Variants in RYR1 observed in about 807,000 individuals in gnomAD.
RYR1 encodes central core disease of muscle.
In RYR1, 342 loss-of-function variants were observed where a neutral mutation model predicts 583.5. The observed-to-expected ratio is 0.59, with a 90% confidence interval of 0.54 to 0.64. The LOEUF is 0.64. Ranked by LOEUF, RYR1 falls within the 30% of genes least tolerant of loss-of-function variation. The pLI is 0.00. For missense variants in RYR1, 6,032 were observed against 6,917.2 expected (o/e 0.87, Z 4.54); for synonymous variants, 2,791 against 2,822.5 (o/e 0.99, Z 0.35).
intron 20 of RYR1, among the ~76,000 whole-genome samples, chr19:38,462,034 G>A (rs1967780144): frequency 1.3e-5 from 2 of 152,216 alleles, no homozygotes; most frequent in African/African-American, 4.8e-5. Context: ...CAGCCTGGGC[G>A]ACAGAGCAAG....
At chr19:38,578,307 C>CA in intron 99 of RYR1, 103 bp downstream of exon 99, 1 of 1,175,742 alleles carries the variant, frequency 8.5e-7, no homozygotes, top group Non-Finnish European at 1.2e-6. Context: ...TCCTGGGACC[C>CA]TGAGTGGCTG....
chr19:38,478,534 G>T lies in RYR1; in HGVS notation c.4554G>T (p.Leu1518=). The change falls in exon 31 of 106, where the codon CTG becomes CTT. Residue 1518 remains leucine (L), a synonymous_variant. Transcript: ENST00000359596. ...ISHTDLVIGC[L]VDLATGLMTF... ...ACACGGACCTTGTCATTGGGTGCCT[G>T]GTGGACTTGGCCACTGGCTTAATGA... 6.2e-7 allele frequency: 1 copy of T among 1,614,114 alleles called. No homozygotes were observed. The highest frequency in any genetic ancestry group is 8.5e-7 in the Non-Finnish European group (1 of 1,180,032).
At chr19:38,491,858 T>C (rs1969566405) in intron 37 of RYR1, among the ~76,000 whole-genome samples, 1 of 152,208 alleles carries the variant, frequency 6.6e-6, no homozygotes, top group Non-Finnish European at 1.5e-5. Flanking sequence ...ATTTTTTATT[T>C]CAGTTATTTT....
rs761129675 is a variant in RYR1 at position 38,502,905 on chromosome 19, C to T, written c.7861C>T (p.His2621Tyr). The change falls in exon 49 of 106, where the codon CAC becomes TAC. Residue 2621 changes from histidine to tyrosine, a missense_variant. Physicochemically the swap from His to Tyr is moderately conservative, Grantham distance 83. Around this residue, in one of 11 missense-constraint regions of RYR1, gnomAD observed 250 missense variants for 162.3 expected, o/e 1.54. Transcript: ENST00000359596. Reference protein sequence around the residue: ...CRYIRPSMLQHLLRRLVFDVP... With the variant: ...CRYIRPSMLQYLLRRLVFDVP... Reference sequence around the variant, plus strand: ...GTACATCCGCCCGTCGATGCTGCAGCACCTGTTGCGCCGCCTGGTGTTCGA... The same window carrying T: ...GTACATCCGCCCGTCGATGCTGCAGTACCTGTTGCGCCGCCTGGTGTTCGA... 7.4e-6 allele frequency: 12 copies of T among 1,611,870 alleles called. No individual in the cohort carries two copies. The highest frequency in any genetic ancestry group is 3.3e-5 in the South Asian group (3 of 91,070).
chr19:38,498,259 G>A (rs1320720021), intron 42 of RYR1, among the ~76,000 whole-genome samples: 1 of 152,182 alleles, frequency 6.6e-6, no homozygotes, highest in Non-Finnish European at 1.5e-5. Flanking sequence ...TGAGTGAGAG[G>A]AGGCCAGGAT....
intron 91 of RYR1, among the ~76,000 whole-genome samples, chr19:38,566,156 G>A (rs1395131787): frequency 6.6e-6 from 1 of 151,842 alleles, no homozygotes; most frequent in African/African-American, 2.4e-5. Flanking sequence ...GGGCAGGAAA[G>A]ACCAAAACTA....
At chr19:38,557,988 T>C (rs756582197) in intron 89 of RYR1, among the ~76,000 whole-genome samples, 1 of 151,348 alleles carries the variant, frequency 6.6e-6, no homozygotes. Flanking sequence ...AAAAATAAAA[T>C]AAAATAATAC....
Position 38,532,882 on chromosome 19 carries a change from G to A in RYR1, c.11259+146G>A, listed in dbSNP as rs559187192. ...GTCCACTGGGGAGACAGATACACCC[G>A]CCAAACTAACACCACGGAGTGTACA... On this transcript the variant is annotated intron_variant, in intron 78 of 105. Coordinates refer to ENST00000359596, the MANE Select transcript of RYR1 (RefSeq NM_000540.3). 1.6e-4 allele frequency: 124 copies of A among 785,006 alleles called. 1 individual carries two copies. The highest frequency in any genetic ancestry group is 1.2e-3 in the South Asian group (73 of 61,746). The allele number at this position is 785,006 out of a possible 1,614,324, so 48.6% of individuals were successfully genotyped here.
In RYR1 at chr19:38,512,273, G is replaced by T. The variant is rs145044872; in HGVS notation, c.9262G>T (p.Val3088Leu). The change falls in exon 63 of 106, where the codon GTG (valine) becomes TTG (leucine). Residue 3088 changes from valine (V) to leucine (L), a missense_variant. Around this residue, in one of 11 missense-constraint regions of RYR1, gnomAD observed 1,493 missense variants for 1,715.5 expected, o/e 0.87. Coordinates refer to ENST00000359596, the MANE Select transcript of RYR1 (RefSeq NM_000540.3). This position sits in a 1 kb window ranked among gnomAD's most constrained non-coding sequence, Gnocchi z 5.1. ...AGTGATGAAGTCAGGCCCTGAGATC[G>T]TGAAGGCTGGCCTCCGCTCCTTCTT... ...RTVMKSGPEIVKAGLRSFFES... is the reference protein window; with the variant it reads ...RTVMKSGPEILKAGLRSFFES... The T allele has an allele frequency of 1.2e-6, 2 of 1,614,234 alleles. No homozygotes were observed. The highest frequency in any genetic ancestry group is 3.3e-4 in the Middle Eastern group (2 of 6,062).
chr19:38,531,710 G>A (rs1971747114), intron 76 of RYR1, among the ~76,000 whole-genome samples: 1 of 152,122 alleles, frequency 6.6e-6, no homozygotes, highest in South Asian at 2.1e-4. Flanking sequence ...TTTGAGACCA[G>A]CCTGGGCAAC....
At position 38,499,085 on chromosome 19, in the gene RYR1, G is replaced by T; in HGVS notation, c.6892-23G>T. The T allele has an allele frequency of 6.2e-7, 1 of 1,613,346 alleles. No homozygotes were observed. Among genetic ancestry groups the T allele is most frequent in the South Asian group, 1.1e-5 (1 of 91,018 alleles). On this transcript the variant is annotated intron_variant, in intron 42 of 105. Transcript: ENST00000359596. This position sits in a 1 kb window ranked among gnomAD's most constrained non-coding sequence, Gnocchi z 7.3. ...GGAAGGTGGCATGGGTCTGGTCTCT[G>T]ACTGAGCCCCTTCTGCCCCCAGGTT...
In RYR1 at chr19:38,496,713, G is replaced by A; in HGVS notation, c.6797-147G>A. The A allele has an allele frequency of 1.8e-6, 2 of 1,101,518 alleles. No homozygotes were observed. Among genetic ancestry groups the A allele is most frequent in the Non-Finnish European group, 2.7e-6 (2 of 729,816 alleles). The allele number at this position is 1,101,518 out of a possible 1,614,324, so 68.2% of individuals were successfully genotyped here. On this transcript the variant is annotated intron_variant, in intron 41 of 105. Coordinates refer to ENST00000359596, the MANE Select transcript of RYR1 (RefSeq NM_000540.3). The surrounding 1 kb of genome is among the most constrained non-coding windows in gnomAD (Gnocchi z 4.8). ...CACAATAGTGACCCCAATAGTGACAGCCCAGAGTGGTCAGAGCTTGGATGA... is the reference window on the plus strand; with the variant it reads ...CACAATAGTGACCCCAATAGTGACAACCCAGAGTGGTCAGAGCTTGGATGA...
At position 38,578,227 on chromosome 19, in the gene RYR1, G is replaced by A; in HGVS notation, c.14364+23G>A. On this transcript the variant is annotated intron_variant, in intron 99 of 105. Coordinates refer to ENST00000359596, the MANE Select transcript of RYR1 (RefSeq NM_000540.3). ...AACGTGAGCAGGGGCCCACAGACTG[G>A]GGAGGGACTCTGCAGGGGTGGGGCG... The A allele has an allele frequency of 2.5e-6, 4 of 1,611,680 alleles. No homozygotes were observed. The African/African-American group carries it at 4.0e-5, about 16-fold the overall frequency.
At chr19:38,576,989 G>A (rs532321594) in intron 97 of RYR1, among the ~76,000 whole-genome samples, 6 of 151,964 alleles carry the variant, frequency 3.9e-5, no homozygotes, top group East Asian at 2.0e-4. Context: ...GGGTTCAAGC[G>A]ATTCTCCTGC....
intron 93 of RYR1, 44 bp downstream of exon 93, chr19:38,567,961 G>A (rs1973523941): frequency 6.2e-7 from 1 of 1,607,760 alleles, no homozygotes; most frequent in Non-Finnish European, 8.5e-7. Context: ...CTCCCCGGGA[G>A]CCCCACCTCT....
At chr19:38,489,141 C>A (rs748129278) in intron 34 of RYR1, 36 bp from the exon 35 acceptor site, 1 of 1,594,330 alleles carries the variant, frequency 6.3e-7, no homozygotes, top group Non-Finnish European at 8.6e-7. Flanking sequence ...GGAGGCCTTG[C>A]AGGCCACAGT....
Position 38,527,036 on chromosome 19 carries a change from T to G in RYR1, c.10670T>G (p.Leu3557Arg). The change falls in exon 72 of 106, where the codon CTT becomes CGT. Residue 3557 changes from leucine (L) to arginine (R), a missense_variant. Leu to Arg is a moderately radical substitution (Grantham distance 102, BLOSUM62 -2). Coordinates refer to ENST00000359596, the MANE Select transcript of RYR1 (RefSeq NM_000540.3). ...GTCCGGGAATTTCTGCACAACAACC[T>G]TCACCTTCAGGGAAAGGTATGCCTC... ...EEVREFLHNN[L>R]HLQGKVEGSP... 1 of 1,613,808 alleles carries G rather than the reference T, an allele frequency of 6.2e-7. No homozygotes were observed. Among genetic ancestry groups the G allele is most frequent in the Non-Finnish European group, 8.5e-7 (1 of 1,179,832 alleles).
At chr19:38,465,176 A>G (rs971259897) in intron 23 of RYR1, among the ~76,000 whole-genome samples, 52 of 152,062 alleles carry the variant, frequency 3.4e-4, no homozygotes, top group Non-Finnish European at 2.1e-4. Context: ...TCAGAGTAAG[A>G]AACCTCAGAG....
At chr19:38,560,864 AT>A (rs977625470) in intron 89 of RYR1, among the ~76,000 whole-genome samples, 4 of 151,740 alleles carry the variant, frequency 2.6e-5, no homozygotes, top group Admixed American at 2.6e-4. Flanking sequence ...ACAAAAAAAA[AT>A]TAAAATTAAA....
Sources: allele counts gnomAD v4.1 joint callset (sites outside exome capture counted in the v4.1 genomes callset), GRCh38; gene constraint gnomAD v4.1.1; regional missense constraint gnomAD v4.1.1; non-coding constraint Gnocchi (gnomAD v3.1); transcripts MANE v1.5; gene names NCBI Gene and HGNC (gene_info 2026-07-23, HGNC 2026-07-21).